Variants in RPUSD4 observed in about 807,000 individuals in gnomAD.
The protein encoded by RPUSD4 is pseudouridylate synthase RPUSD4, mitochondrial.
Under a neutral mutation model 35.4 loss-of-function variants are expected in RPUSD4, and 37 were observed. That is an observed-to-expected ratio of 1.04 (90% CI 0.80 to 1.37). The LOEUF is 1.37. RPUSD4 is among the 40% of genes most tolerant of loss of function. RPUSD4 has a pLI of 0.00. For missense variants in RPUSD4, 507 were observed against 484.9 expected (o/e 1.05, Z -0.43); for synonymous variants, 210 against 192.7 (o/e 1.09, Z -0.74).
chr11:126,210,520 T>TACATACACACACACACACACACACAC lies in RPUSD4; in HGVS notation c.355+369_355+370insGTGTGTGTGTGTGTGTGTGTGTATGT, dbSNP rs746246254. On this transcript the variant is annotated intron_variant, in intron 2 of 6. Coordinates refer to ENST00000298317, the MANE Select transcript of RPUSD4 (RefSeq NM_032795.3). ...TATGTTACATATACTCCAACATACA[T>TACATACACACACACACACACACACAC]ACACACACACACACACACACACACA... 3.6e-4 allele frequency among the ~76,000 whole-genome samples: 22 copies of TACATACACACACACACACACACACAC among 60,290 alleles called. 1 individual carries two copies. The highest frequency in any genetic ancestry group is 6.3e-4 in the South Asian group (1 of 1,592). 39.6% of individuals were successfully genotyped at this position (60,290 alleles called of 152,430 possible).
intron 3 of RPUSD4, chr11:126,208,749 T>C (rs373989068): frequency 6.6e-6 from 1 of 152,222 alleles, no homozygotes; most frequent in African/African-American, 2.4e-5. Flanking sequence ...ATATTCTGCG[T>C]ATGCCGGACA....
At position 126,209,719 on chromosome 11, in the gene RPUSD4, C is replaced by T. The variant is rs753894166; in HGVS notation, c.359G>A (p.Gly120Asp). ...AGTGATGCAGAGCTGGACCCCAGGG[C>T]CACCTAAGAAGGAAAAAGCCAAAGG... ...NKPYGLPVHG[G>D]PGVQLCITDV... The change falls in exon 3 of 7, where the codon GGC becomes GAC. Residue 120 changes from glycine to aspartate, a missense_variant. Physicochemically the swap from Gly to Asp is moderately conservative, Grantham distance 94. Transcript: ENST00000298317. The T allele has an allele frequency of 6.2e-7, 1 of 1,612,516 alleles. No homozygotes were observed. The highest frequency in any genetic ancestry group is 1.7e-5 in the Admixed American group (1 of 59,944).
In RPUSD4 at chr11:126,205,756, G is replaced by A; in HGVS notation, c.583C>T (p.Pro195Ser). ...YWAITVHVPM[P>S]SAGVVDIPIV... Reference sequence around the variant, plus strand: ...GGGATGTCCACGACTCCTGCTGAGGGCATGGGGACATGCACAGTGATGGCC... The same window carrying A: ...GGGATGTCCACGACTCCTGCTGAGGACATGGGGACATGCACAGTGATGGCC... Residue 195 changes from proline (P) to serine (S), a missense_variant, in exon 4 of 7, where the codon CCC (proline) becomes TCC (serine). Transcript: ENST00000298317. The A allele has an allele frequency of 6.2e-7, 1 of 1,611,154 alleles. No homozygotes were observed. Among genetic ancestry groups the A allele is most frequent in the Non-Finnish European group, 8.5e-7 (1 of 1,178,198 alleles).
At chr11:126,208,736 C>T (rs758213022) in intron 3 of RPUSD4, 7 of 152,252 alleles carry the variant, frequency 4.6e-5, no homozygotes, top group Non-Finnish European at 7.3e-5. Flanking sequence ...ACACCAGACA[C>T]GCATATTCTG....
intron 2 of RPUSD4, among the ~76,000 whole-genome samples, chr11:126,210,110 T>G (rs1949827920): frequency 6.6e-6 from 1 of 152,246 alleles, no homozygotes; most frequent in South Asian, 2.1e-4. Context: ...GGGGTTCTAC[T>G]CTACTCTTCT....
rs1359043643 is a variant in RPUSD4 at position 126,203,618 on chromosome 11, G to T, written c.934C>A (p.Gln312Lys). 1 of 1,613,868 alleles carries T rather than the reference G, an allele frequency of 6.2e-7. No individual in the cohort carries two copies. The highest frequency in any genetic ancestry group is 2.2e-5 in the East Asian group (1 of 44,864). Residue 312 changes from glutamine (Q) to lysine (K), a missense_variant, in exon 7 of 7, where the codon CAG (glutamine) becomes AAG (lysine). Transcript: ENST00000298317. ...AGGGGGATGTAGCGGGCCTTCGACTGTTCTAGCCCCAGCTTCTTCAGGGTG... is the reference window on the plus strand; with the variant it reads ...AGGGGGATGTAGCGGGCCTTCGACTTTTCTAGCCCCAGCTTCTTCAGGGTG... The part of the protein sequence containing the change: ...VGTLKKLGLE[Q>K]SKARYIPLHL...
In RPUSD4 at chr11:126,205,799, C is replaced by A. The variant is rs758090855; in HGVS notation, c.558-18G>T. On this transcript the variant is annotated intron_variant, in intron 3 of 6. Coordinates refer to ENST00000298317, the MANE Select transcript of RPUSD4 (RefSeq NM_032795.3). ...TGATGGCCCTGGGGGTGACACAGAT[C>A]ACTGCTTTAGCCAACCAAGCCAGAG... 9.5e-5 allele frequency: 148 copies of A among 1,564,514 alleles called. No individual in the cohort carries two copies. Among genetic ancestry groups the A allele is most frequent in the Non-Finnish European group, 1.2e-4 (138 of 1,151,562 alleles).
chr11:126,209,588 A>C lies in RPUSD4; in HGVS notation c.490T>G (p.Trp164Gly). The C allele has an allele frequency of 6.2e-7, 1 of 1,614,240 alleles. No homozygotes were observed. The highest frequency in any genetic ancestry group is 8.5e-7 in the Non-Finnish European group (1 of 1,180,054). The part of the protein sequence containing the change: ...KETTGVMVLA[W>G]DKDMAHQVQE... The stretch of plus-strand genomic sequence containing the variant: ...ACTTGATGTGCCATGTCCTTGTCCC[A>C]AGCCAACACCATTACACCTGTGGTT... The change falls in exon 3 of 7, where the codon TGG (tryptophan) becomes GGG (glycine). Residue 164 changes from tryptophan (W) to glycine (G), a missense_variant. Coordinates refer to ENST00000298317, the MANE Select transcript of RPUSD4 (RefSeq NM_032795.3).
At position 126,211,073 on chromosome 11, in the gene RPUSD4, G is replaced by A; in HGVS notation, c.190-18C>T. ...GTGGACACCTAGGGAGAAAGAAGGA[G>A]CCGTGGGGAATGCCTGGTGCGGAAG... On this transcript the variant is annotated intron_variant, in intron 1 of 6. Transcript: ENST00000298317. 1 of 1,607,172 alleles carries A rather than the reference G, an allele frequency of 6.2e-7. No individual in the cohort carries two copies.
At position 126,211,416 on chromosome 11, in the gene RPUSD4, T is replaced by G. The variant is rs774333134; in HGVS notation, c.189+34A>C. ...CCGTCTGGGAAACCAATGAGCGCAC[T>G]GCCTCTAGGGAGTTCTGGTCCCTTT... On this transcript the variant is annotated intron_variant, in intron 1 of 6. Coordinates refer to ENST00000298317, the MANE Select transcript of RPUSD4 (RefSeq NM_032795.3). 6 of 1,563,988 alleles carry G rather than the reference T, an allele frequency of 3.8e-6. No homozygotes were observed. In the African/African-American group the frequency reaches 8.2e-5, roughly 21 times the overall value.
Position 126,205,778 on chromosome 11 carries a change from G to A in RPUSD4, c.561C>T (p.Ala187=). The change falls in exon 4 of 7, where the codon GCC becomes GCT. Residue 187 remains alanine (A), a synonymous_variant. Transcript: ENST00000298317. ...AGGGCATGGGGACATGCACAGTGAT[G>A]GCCCTGGGGGTGACACAGATCACTG... ...RTRQVVKKYW[A]ITVHVPMPSA... The A allele has an allele frequency of 2.5e-6, 4 of 1,596,526 alleles. No individual in the cohort carries two copies. Among genetic ancestry groups the A allele is most frequent in the Non-Finnish European group, 3.4e-6 (4 of 1,168,756 alleles).
intron 2 of RPUSD4, among the ~76,000 whole-genome samples, chr11:126,210,550 C>CACACACACACA (rs3220746): frequency 4.1e-5 from 6 of 144,628 alleles, no homozygotes; most frequent in South Asian, 4.4e-4. Context: ...CACACACACA[C>CACACACACACA]CCCCTTTTTT....
chr11:126,211,076 G>A (rs1565319912), intron 1 of RPUSD4, 21 bp from the exon 2 acceptor site: 3 of 1,610,890 alleles, frequency 1.9e-6, no homozygotes, highest in Middle Eastern at 3.9e-4. Context: ...AGAAGGAGCC[G>A]TGGGGAATGC....
chr11:126,203,484 C>T lies in RPUSD4; in HGVS notation c.1068G>A (p.Leu356=), dbSNP rs776483502. The T allele has an allele frequency of 8.7e-6, 14 of 1,614,172 alleles. No individual in the cohort carries two copies. The highest frequency in any genetic ancestry group is 5.0e-5 in the Admixed American group (3 of 60,016). The change falls in exon 7 of 7, where the codon CTG becomes CTA. Residue 356 remains leucine, a synonymous_variant. Coordinates refer to ENST00000298317, the MANE Select transcript of RPUSD4 (RefSeq NM_032795.3). ...GATCCTCATTTGGCATCTCTAAACG[C>T]AGGCGGTGCAGGGAATGCACAAAGA... ...PRFFVHSLHR[L]RLEMPNEDQN... is the part of the protein sequence containing the mutation.
chr11:126,203,458 T>C lies in RPUSD4; in HGVS notation c.1094A>G (p.Gln365Arg), dbSNP rs1288172877. The C allele has an allele frequency of 6.2e-7, 1 of 1,614,020 alleles. No individual in the cohort carries two copies. Among genetic ancestry groups the C allele is most frequent in the Non-Finnish European group, 8.5e-7 (1 of 1,180,048 alleles). The change falls in exon 7 of 7, where the codon CAA (glutamine) becomes CGA (arginine). Residue 365 changes from glutamine to arginine, a missense_variant. Physicochemically the swap from Gln to Arg is conservative, Grantham distance 43. Transcript: ENST00000298317. ...RLRLEMPNED[Q>R]NENNEAKCLG... ...ACACTTGGCTTCATTGTTCTCATTT[T>C]GATCCTCATTTGGCATCTCTAAACG...
intron 3 of RPUSD4, among the ~76,000 whole-genome samples, chr11:126,207,452 G>C (rs1031967463): frequency 6.6e-6 from 1 of 152,152 alleles, no homozygotes; most frequent in Non-Finnish European, 1.5e-5. Context: ...TATTTTTAAA[G>C]GGCTCCTCAG....
chr11:126,210,992 G>C lies in RPUSD4; in HGVS notation c.253C>G (p.Arg85Gly), dbSNP rs1949856272. 2 of 1,614,108 alleles carry C rather than the reference G, an allele frequency of 1.2e-6. No homozygotes were observed. Among genetic ancestry groups the C allele is most frequent in the Non-Finnish European group, 1.7e-6 (2 of 1,180,032 alleles). Residue 85 changes from arginine to glycine, a missense_variant, in exon 2 of 7, where the codon CGA becomes GGA. Arg to Gly is a moderately radical substitution (Grantham distance 125). Transcript: ENST00000298317. Reference sequence around the variant, plus strand: ...TTAGCAAGCACGTTGGGGTGGACTCGCTGCAGCTGCCGTGTGAACCGCACT... The same window carrying C: ...TTAGCAAGCACGTTGGGGTGGACTCCCTGCAGCTGCCGTGTGAACCGCACT... ...EIVRFTRQLQRVHPNVLAKAL... is the reference protein window; with the variant it reads ...EIVRFTRQLQGVHPNVLAKAL...
At chr11:126,211,310 C>T in intron 1 of RPUSD4, 140 bp downstream of exon 1, 1 of 1,052,032 alleles carries the variant, frequency 9.5e-7, no homozygotes, top group African/African-American at 1.6e-5. Flanking sequence ...CCCCTCCCCT[C>T]CGCCTTCTCC....
At position 126,206,021 on chromosome 11, in the gene RPUSD4, G is replaced by A. The variant is rs1244402150; in HGVS notation, c.558-240C>T. On this transcript the variant is annotated intron_variant, in intron 3 of 6. Coordinates refer to ENST00000298317, the MANE Select transcript of RPUSD4 (RefSeq NM_032795.3). ...TTGTAGAATATTTGGGGTAAAAAAA[G>A]AAAAAAATTACATTAATAACATGGT... is the stretch of plus-strand genomic sequence containing the variant. The A allele has an allele frequency of 2.4e-5, 9 of 382,480 alleles. No individual in the cohort carries two copies. In the East Asian group the frequency reaches 2.8e-4, roughly 12 times the overall value. The allele number at this position is 382,480 out of a possible 1,614,324, so 23.7% of individuals were successfully genotyped here.
Sources: allele counts gnomAD v4.1 joint callset (sites outside exome capture counted in the v4.1 genomes callset), GRCh38; gene constraint gnomAD v4.1.1; transcripts MANE v1.5; gene names NCBI Gene and HGNC (gene_info 2026-07-23, HGNC 2026-07-21).